The following TSHZ2 variants were observed in gnomAD, a reference collection of about 807,000 sequenced individuals.
TSHZ2 encodes the protein teashirt homolog 2.
TSHZ2 carries 21 observed loss-of-function variants against 74.4 expected under a neutral mutation model. That is an observed-to-expected ratio of 0.28 (90% CI 0.20 to 0.41). TSHZ2 has a LOEUF of 0.41. Ranked by LOEUF, TSHZ2 falls within the 10% of genes least tolerant of loss-of-function variation. TSHZ2 has a pLI of 1.00. For missense variants in TSHZ2, 1,244 were observed against 1,293.5 expected (o/e 0.96, Z 0.59); for synonymous variants, 540 against 515.3 (o/e 1.05, Z -0.65).
At chr20:53,165,551 C>T (rs1377544384) in intron 1 of TSHZ2, among the ~76,000 whole-genome samples, 3 of 152,234 alleles carry the variant, frequency 2.0e-5, no homozygotes, top group African/African-American at 7.2e-5. Flanking sequence ...GTGGCTCTTT[C>T]ACTTTTTATT....
At chr20:53,128,602 T>A (rs1307272940) in intron 1 of TSHZ2, among the ~76,000 whole-genome samples, 2 of 151,542 alleles carry the variant, frequency 1.3e-5, no homozygotes, top group African/African-American at 4.9e-5. Context: ...TTTCTTTATG[T>A]CAATACCCAG....
intron 1 of TSHZ2, among the ~76,000 whole-genome samples, chr20:53,151,191 T>C (rs1282238256): frequency 1.3e-5 from 2 of 152,200 alleles, no homozygotes; most frequent in East Asian, 1.9e-4. Flanking sequence ...AGAGATAGAA[T>C]TGGGAGCTGG....
chr20:53,035,515 A>T (rs4141628), intron 1 of TSHZ2, among the ~76,000 whole-genome samples: 60,327 of 152,126 alleles, frequency 0.4, 13,723 homozygotes, highest in East Asian at 0.67. Flanking sequence ...CACCAGATGC[A>T]AGATAGGAAT....
intron 1 of TSHZ2, among the ~76,000 whole-genome samples, chr20:53,061,910 C>A (rs1460690554): frequency 6.6e-6 from 1 of 152,146 alleles, no homozygotes; most frequent in Non-Finnish European, 1.5e-5. Flanking sequence ...AATTCCCAAG[C>A]TTTTCTGATA....
At chr20:53,422,568 A>C (rs1314004414) in intron 2 of TSHZ2, among the ~76,000 whole-genome samples, 1 of 152,170 alleles carries the variant, frequency 6.6e-6, no homozygotes, top group Non-Finnish European at 1.5e-5. Context: ...ACATACACCC[A>C]CATACAACAC....
At chr20:53,408,534 T>C (rs1239520387) in intron 2 of TSHZ2, among the ~76,000 whole-genome samples, 1 of 152,174 alleles carries the variant, frequency 6.6e-6, no homozygotes, top group Non-Finnish European at 1.5e-5. Context: ...TCTAAGTGAC[T>C]TCTTGAAATA....
intron 1 of TSHZ2, among the ~76,000 whole-genome samples, chr20:53,106,411 T>C (rs866344763): frequency 2.3e-5 from 3 of 127,836 alleles, no homozygotes; most frequent in Admixed American, 1.6e-4. Flanking sequence ...TTTTTTTTTT[T>C]TTTTTTTTTT....
chr20:53,171,589 G>T (rs1297350393), intron 1 of TSHZ2, among the ~76,000 whole-genome samples: 2 of 151,670 alleles, frequency 1.3e-5, no homozygotes, highest in East Asian at 3.9e-4. Context: ...ATAAAACAGG[G>T]TGTTTAATAC....
chr20:53,174,474 A>G (rs991053625), intron 1 of TSHZ2, among the ~76,000 whole-genome samples: 2 of 152,196 alleles, frequency 1.3e-5, no homozygotes, highest in Non-Finnish European at 2.9e-5. Context: ...AATTGGGGCC[A>G]GTGGAATGGG....
intron 2 of TSHZ2, among the ~76,000 whole-genome samples, chr20:53,473,881 G>A (rs1321410802): frequency 1.1e-4 from 17 of 152,204 alleles, no homozygotes; most frequent in Non-Finnish European, 1.2e-4. Context: ...AGGAAGCGAT[G>A]CAATCAACTG....
chr20:53,461,309 G>GC (rs1985360129), intron 2 of TSHZ2, among the ~76,000 whole-genome samples: 1 of 152,208 alleles, frequency 6.6e-6, no homozygotes, highest in Non-Finnish European at 1.5e-5. Flanking sequence ...ATTTCCAGGT[G>GC]CGTCCGTCAC....
chr20:53,265,136 G>T (rs537252675), intron 2 of TSHZ2, among the ~76,000 whole-genome samples: 2 of 152,134 alleles, frequency 1.3e-5, no homozygotes, highest in Non-Finnish European at 2.9e-5. Flanking sequence ...GGGCCAGAGC[G>T]TTCAGGGGTG....
chr20:53,202,383 C>A (rs1175327662), intron 1 of TSHZ2, among the ~76,000 whole-genome samples: 2 of 152,148 alleles, frequency 1.3e-5, no homozygotes, highest in Non-Finnish European at 2.9e-5. Context: ...AAAGAATTAA[C>A]CTTAATATAA....
chr20:53,331,086 A>G (rs1037319254), intron 2 of TSHZ2, among the ~76,000 whole-genome samples: 7 of 152,158 alleles, frequency 4.6e-5, no homozygotes, highest in African/African-American at 1.7e-4. Context: ...TCTATGCGGG[A>G]TTTGGATGTA....
intron 2 of TSHZ2, among the ~76,000 whole-genome samples, chr20:53,400,685 G>A (rs953286088): frequency 6.6e-5 from 10 of 152,266 alleles, no homozygotes; most frequent in Admixed American, 4.6e-4. Flanking sequence ...GGAAAAGCCT[G>A]CCCTCACCCT....
At chr20:53,226,060 A>G (rs890203025) in intron 1 of TSHZ2, among the ~76,000 whole-genome samples, 1 of 152,070 alleles carries the variant, frequency 6.6e-6, no homozygotes, top group African/African-American at 2.4e-5. Flanking sequence ...ATACATAGAC[A>G]TTATCATGAA....
chr20:53,097,379 G>A (rs1986085418), intron 1 of TSHZ2, among the ~76,000 whole-genome samples: 1 of 152,068 alleles, frequency 6.6e-6, no homozygotes, highest in African/African-American at 2.4e-5. Context: ...ATAATACCCA[G>A]ATGACTGTTA....
intron 2 of TSHZ2, among the ~76,000 whole-genome samples, chr20:53,466,162 C>T (rs180915880): frequency 6.6e-6 from 1 of 151,440 alleles, no homozygotes; most frequent in Non-Finnish European, 1.5e-5. Flanking sequence ...CAGGAGAAAT[C>T]ACTTGAACCG....
chr20:53,448,187 G>A (rs114886698), intron 2 of TSHZ2, among the ~76,000 whole-genome samples: 2,086 of 152,216 alleles, frequency 0.014, 45 homozygotes, highest in African/African-American at 0.048. Flanking sequence ...GACTTTAATC[G>A]GGTGCTGCAG....
Sources: allele counts gnomAD v4.1 joint callset (sites outside exome capture counted in the v4.1 genomes callset), GRCh38; gene constraint gnomAD v4.1.1; transcripts MANE v1.5; gene names NCBI Gene and HGNC (gene_info 2026-07-23, HGNC 2026-07-21).